Variants in F5 observed in about 807,000 individuals in gnomAD.
F5 encodes the protein coagulation factor V, also known as activated protein c cofactor.
Under a neutral mutation model 216.4 loss-of-function variants are expected in F5, and 138 were observed. The observed-to-expected ratio is 0.64, with a 90% CI of 0.56 to 0.73. The LOEUF (loss-of-function observed/expected upper bound fraction) is 0.73. Among genes scored for constraint, F5 ranks in the 30% least tolerant of loss-of-function variants. The pLI, the probability that F5 is intolerant of heterozygous loss-of-function variation, is 0.00. For synonymous variants in F5, 916 were observed against 930.7 expected, an observed-to-expected ratio of 0.98 and a Z score of 0.29; for missense variants, 2,403 against 2,674.0, an observed-to-expected ratio of 0.90 and a Z score of 2.24.
chr1:169,575,092 C>T (rs149638904), intron 2 of F5, among the ~76,000 whole-genome samples: 37 of 152,304 alleles, frequency 2.4e-4, no homozygotes, highest in Admixed American at 2.2e-3. Flanking sequence ...GGAGGGAATA[C>T]TCTGAAGAGT....
chr1:169,532,362 A>T, intron 14 of F5, among the ~76,000 whole-genome samples: 1 of 152,182 alleles, frequency 6.6e-6, no homozygotes, highest in East Asian at 1.9e-4. Context: ...ATCAAGCAAG[A>T]GAAAGAAATA....
chr1:169,571,384 G>A (rs1416222274), intron 3 of F5, among the ~76,000 whole-genome samples: 1 of 152,078 alleles, frequency 6.6e-6, no homozygotes, highest in Admixed American at 6.6e-5. Flanking sequence ...TCTTATGGGT[G>A]GTTATAATCA....
At chr1:169,565,771 C>G (rs1338336182) in intron 3 of F5, among the ~76,000 whole-genome samples, 1 of 152,172 alleles carries the variant, frequency 6.6e-6, no homozygotes, top group African/African-American at 2.4e-5. Flanking sequence ...TATCTGGCTA[C>G]TATAGGCATC....
intron 8 of F5, among the ~76,000 whole-genome samples, chr1:169,551,564 G>A (rs1223024443): frequency 6.6e-6 from 1 of 152,180 alleles, no homozygotes; most frequent in Non-Finnish European, 1.5e-5. Context: ...ATGGAAGAAG[G>A]GAAAGAGGCA....
At chr1:169,546,122 C>T (rs1659995468) in intron 11 of F5, among the ~76,000 whole-genome samples, 1 of 152,072 alleles carries the variant, frequency 6.6e-6, no homozygotes, top group African/African-American at 2.4e-5. Context: ...TGGACTATAA[C>T]ACCTTCCATT....
rs772147714 is a variant in F5, at chr1:169,559,145, C to T, written c.730+8G>A. ...CTGTTGTTTAATGGTACACAGCCCT[C>T]GTGTTACCTGGCATTGTCCCATTCA... On this transcript the variant is annotated splice_region_variant and intron_variant, in intron 5 of 24. Transcript: ENST00000367797. The T allele has an allele frequency of 1.9e-5, 31 of 1,613,470 alleles. No individual in the cohort carries two copies. Among genetic ancestry groups the T allele is most frequent in the South Asian group, 7.7e-5 (7 of 91,074 alleles).
rs781395687 is a variant in F5 at position 169,542,049 on chromosome 1, T to A, written c.3041A>T (p.Asp1014Val). Residue 1014 changes from aspartate to valine, a missense_variant, in exon 13 of 25, where the codon GAT becomes GTT. By Grantham distance (152) the Asp-to-Val change is radical (BLOSUM62 -3). Around this residue, in one of 4 missense-constraint regions of F5, gnomAD observed 1,425 missense variants for 1,554.8 expected, o/e 0.92. Coordinates refer to ENST00000367797, the MANE Select transcript of F5 (RefSeq NM_000130.5). ...TTTCTTCAGTCTACTCTTTCCTCCA[T>A]CCTGTCTTACTTGTAGAGATTTATG... is the stretch of plus-strand genomic sequence containing the variant. ...VRHKSLQVRQ[D>V]GGKSRLKKSQ... 6.2e-7 allele frequency: 1 copy of A among 1,614,124 alleles called. No homozygotes were observed. The highest frequency in any genetic ancestry group is 1.1e-5 in the South Asian group (1 of 91,082).
Position 169,528,112 on chromosome 1 carries a change from T to A in F5, c.5420-18A>T. 6.2e-7 allele frequency: 1 copy of A among 1,613,346 alleles called. No individual in the cohort carries two copies. Among genetic ancestry groups the A allele is most frequent in the Non-Finnish European group, 8.5e-7 (1 of 1,179,642 alleles). ...ATTAATGGCTGAAAGGACAAAGAGT[T>A]GAAATCAATTAAAAATCTGTTGACA... On this transcript the variant is annotated intron_variant, in intron 16 of 24. Transcript: ENST00000367797.
At chr1:169,561,727 C>T (rs1297392145) in intron 3 of F5, among the ~76,000 whole-genome samples, 1 of 152,036 alleles carries the variant, frequency 6.6e-6, no homozygotes, top group East Asian at 1.9e-4. Flanking sequence ...GGTACAATAA[C>T]TTGATAAATT....
At chr1:169,584,878 G>A (rs1196604335) in intron 1 of F5, among the ~76,000 whole-genome samples, 2 of 152,232 alleles carry the variant, frequency 1.3e-5, no homozygotes, top group Non-Finnish European at 2.9e-5. Flanking sequence ...TGAGGGGACA[G>A]AATGACCAGT....
Position 169,541,996 on chromosome 1 carries a change from TTTTTCGTG to T in F5, c.3086_3093del (p.Thr1029LysfsTer23). The T allele has an allele frequency of 6.2e-7, 1 of 1,614,082 alleles. No individual in the cohort carries two copies. Among genetic ancestry groups the T allele is most frequent in the Non-Finnish European group, 8.5e-7 (1 of 1,180,004 alleles). On this transcript the variant is annotated frameshift_variant, in exon 13 of 25. Coordinates refer to ENST00000367797, the MANE Select transcript of F5 (RefSeq NM_000130.5). LOFTEE classifies it high-confidence loss of function. ...TGGTGTGTGTGCTTCTCTTTTTTCT[TTTTTCGTG>T]TCTTAATGAGAAACTGGCTTTTCTT...
chr1:169,552,764 A>G, intron 7 of F5, 30 bp from the exon 8 acceptor site: 3 of 1,528,312 alleles, frequency 2.0e-6, no homozygotes, highest in Middle Eastern at 2.3e-4. Context: ...AAATTAAACC[A>G]CTTTCTCAAA....
At position 169,540,698 on chromosome 1, in the gene F5, G is replaced by A; in HGVS notation, c.4392C>T (p.Phe1464=). 2.5e-6 allele frequency: 4 copies of A among 1,614,096 alleles called. No homozygotes were observed. The highest frequency in any genetic ancestry group is 3.4e-6 in the Non-Finnish European group (4 of 1,179,978). The change falls in exon 13 of 25, where the codon TTC becomes TTT. Residue 1464 remains phenylalanine, a synonymous_variant. Transcript: ENST00000367797. Reference sequence around the variant, plus strand: ...ATGACTGACTAGATTCAGAAGGGTAGAATATCTGATCAAGGTCTGGAGGAG... The same window carrying A: ...ATGACTGACTAGATTCAGAAGGGTAAAATATCTGATCAAGGTCTGGAGGAG... ...ISPPPDLDQI[F]YPSESSQSLL...
At position 169,560,809 on chromosome 1, in the gene F5, G is replaced by A. The variant is rs1162047274; in HGVS notation, c.374-43C>T. 2.5e-6 allele frequency: 4 copies of A among 1,591,536 alleles called. No individual in the cohort carries two copies. In the African/African-American group the frequency reaches 4.0e-5, roughly 16 times the overall value. ...ATCAAGACATGTGGGCAGTTTCTGA[G>A]GATTGCGTTTTCACCACTCTCAAAT... is the stretch of plus-strand genomic sequence containing the variant. On this transcript the variant is annotated intron_variant, in intron 3 of 24. Coordinates refer to ENST00000367797, the MANE Select transcript of F5 (RefSeq NM_000130.5).
At chr1:169,574,539 G>A (rs2213873) in intron 2 of F5, among the ~76,000 whole-genome samples, 37,324 of 152,118 alleles carry the variant, frequency 0.25, 5,388 homozygotes, top group South Asian at 0.36. Context: ...AGGAAGTCAC[G>A]GCACTCATGG....
chr1:169,535,393 T>A (rs1157938675), intron 14 of F5, among the ~76,000 whole-genome samples: 2 of 152,198 alleles, frequency 1.3e-5, no homozygotes, highest in Admixed American at 6.6e-5. Context: ...TTAAATTTTT[T>A]AAAAAACTTC....
At chr1:169,514,878 C>T (rs763039869) in intron 24 of F5, among the ~76,000 whole-genome samples, 4 of 151,980 alleles carry the variant, frequency 2.6e-5, no homozygotes, top group Admixed American at 6.6e-5. Flanking sequence ...GCCTTCAGCC[C>T]GTCTGTATTA....
intron 2 of F5, among the ~76,000 whole-genome samples, chr1:169,578,261 G>A (rs1297947911): frequency 1.4e-4 from 21 of 152,186 alleles, no homozygotes; most frequent in Admixed American, 1.4e-3. Context: ...AATATATTCT[G>A]AGATACACAG....
intron 3 of F5, among the ~76,000 whole-genome samples, chr1:169,567,905 C>T (rs1660644756): frequency 1.3e-5 from 2 of 152,078 alleles, no homozygotes; most frequent in South Asian, 4.1e-4. Context: ...GGAATGAGAA[C>T]CAACCAATGT....
Sources: gnomAD v4.1 joint callset for allele counts (sites outside exome capture counted in the v4.1 genomes callset) on GRCh38, gnomAD v4.1.1 for gene constraint, gnomAD v4.1.1 regional missense constraint, MANE v1.5 for transcripts, NCBI Gene and HGNC (gene_info 2026-07-23, HGNC 2026-07-21) for gene names.